The following CADPS variants were observed in gnomAD, a reference collection of about 807,000 sequenced individuals.
CADPS encodes the protein calcium-dependent secretion activator 1.
CADPS carries 57 observed loss-of-function variants against 167.3 expected under a neutral mutation model. The ratio of observed to expected loss-of-function variants is 0.34; its 90% CI spans 0.28 to 0.42. The LOEUF is 0.42. CADPS is among the 20% of genes least tolerant of loss of function. CADPS has a pLI of 1.00. For synonymous variants in CADPS, 676 were observed against 635.3 expected (o/e 1.06, Z -0.96); for missense variants, 1,414 against 1,738.1 (o/e 0.81, Z 3.32).
chr3:62,799,098 T>C (rs555590086), intron 1 of CADPS, among the ~76,000 whole-genome samples: 10 of 152,274 alleles, frequency 6.6e-5, no homozygotes, highest in African/African-American at 2.2e-4. Context: ...ATGTGTGTCA[T>C]GTGTGCCTAA....
At position 62,651,149 on chromosome 3, in the gene CADPS, T is replaced by G. The variant is rs1579638278; in HGVS notation, c.970-69A>C. The G allele has an allele frequency of 1.1e-5, 12 of 1,098,478 alleles. No homozygotes were observed. The East Asian group carries it at 2.8e-4, about 26-fold the overall frequency. 68.0% of individuals were successfully genotyped at this position (1,098,478 alleles called of 1,614,324 possible). A position where few individuals can be genotyped will look rare whatever the true frequency, so the allele number is the denominator to read the frequency against. ...AGCTGATTTATAAAGAAGGTCTTTG[T>G]CCCATGGCCCAGAGTTAGAATCACA... On this transcript the variant is annotated intron_variant, in intron 4 of 29. Transcript: ENST00000383710.
chr3:62,856,864 TAAA>T (rs201438087), intron 1 of CADPS, among the ~76,000 whole-genome samples: 1 of 139,620 alleles, frequency 7.2e-6, no homozygotes. Context: ...AATATAAAGG[TAAA>T]AAAAAAAAAC....
intron 1 of CADPS, among the ~76,000 whole-genome samples, chr3:62,800,297 CCATCATCATCAT>C (rs201311125): frequency 1.3e-5 from 2 of 151,850 alleles, no homozygotes; most frequent in African/African-American, 4.8e-5. Flanking sequence ...ATCATTATCA[CCATCATCATCAT>C]CATCATCATT....
At chr3:62,475,144 T>C (rs1363564579) in intron 23 of CADPS, among the ~76,000 whole-genome samples, 2 of 152,226 alleles carry the variant, frequency 1.3e-5, no homozygotes, top group Non-Finnish European at 2.9e-5. Context: ...AATTCTGACA[T>C]TGGTCAAATT....
At chr3:62,558,348 G>T (rs1306615200) in intron 9 of CADPS, among the ~76,000 whole-genome samples, 1 of 152,208 alleles carries the variant, frequency 6.6e-6, no homozygotes, top group African/African-American at 2.4e-5. Context: ...TCACTCTAGT[G>T]CATCCAGATC....
intron 2 of CADPS, among the ~76,000 whole-genome samples, chr3:62,761,396 T>TAAC (rs1049045288): frequency 4.0e-5 from 6 of 151,422 alleles, no homozygotes; most frequent in African/African-American, 7.3e-5. Context: ...AACAAAAAAA[T>TAAC]AACAACAACA....
chr3:62,719,704 T>A (rs1390046636), intron 3 of CADPS, among the ~76,000 whole-genome samples: 2 of 152,214 alleles, frequency 1.3e-5, no homozygotes, highest in Non-Finnish European at 1.5e-5. Flanking sequence ...AATGTAGCCA[T>A]TGCCTAAGGA....
At chr3:62,740,013 A>T (rs923470078) in intron 3 of CADPS, among the ~76,000 whole-genome samples, 1 of 152,216 alleles carries the variant, frequency 6.6e-6, no homozygotes, top group Non-Finnish European at 1.5e-5. Flanking sequence ...CAACCCTTGA[A>T]ATCAGTGACT....
At chr3:62,634,066 C>T (rs139882634) in intron 6 of CADPS, among the ~76,000 whole-genome samples, 11 of 152,200 alleles carry the variant, frequency 7.2e-5, no homozygotes, top group African/African-American at 1.9e-4. Context: ...TCGTTGACAG[C>T]GACATTGACA....
chr3:62,478,356 A>C lies in CADPS; in HGVS notation c.3234T>G (p.Ile1078Met), dbSNP rs577817819. 6.2e-7 allele frequency: 1 copy of C among 1,613,786 alleles called. No homozygotes were observed. The highest frequency in any genetic ancestry group is 1.1e-5 in the South Asian group (1 of 91,056). Residue 1078 changes from isoleucine to methionine, a missense_variant, in exon 23 of 30, where the codon ATT becomes ATG. Around this residue, in one of 6 missense-constraint regions of CADPS, gnomAD observed 529 missense variants for 629.6 expected, o/e 0.84. Transcript: ENST00000383710. The surrounding 1 kb of genome is among the most constrained non-coding windows in gnomAD (Gnocchi z 5.7). ...CTTCTTCAGGCCAGTGCAGGTCCCG[A>C]ATGAAGGTCTGAAGGGCGTCAAGTT... ...FWKLDALQTF[I>M]RDLHWPEEEF...
At chr3:62,559,613 G>A (rs890460119) in intron 9 of CADPS, among the ~76,000 whole-genome samples, 4 of 152,058 alleles carry the variant, frequency 2.6e-5, no homozygotes, top group African/African-American at 9.7e-5. Flanking sequence ...TCCTGCCTCA[G>A]CCTCCTGAGT....
At chr3:62,858,853 GC>G (rs2080205624) in intron 1 of CADPS, among the ~76,000 whole-genome samples, 1 of 151,910 alleles carries the variant, frequency 6.6e-6, no homozygotes, top group Non-Finnish European at 1.5e-5. Flanking sequence ...AGGTTAATTT[GC>G]AAATAAAAAA....
intron 17 of CADPS, among the ~76,000 whole-genome samples, chr3:62,509,312 G>GAAAAA (rs2067293555): frequency 7.4e-6 from 1 of 136,026 alleles, no homozygotes; most frequent in Non-Finnish European, 1.5e-5. Flanking sequence ...AAAAAAGAAA[G>GAAAAA]AAAGAAAGAA....
At chr3:62,839,277 C>T (rs2076311291) in intron 1 of CADPS, among the ~76,000 whole-genome samples, 1 of 152,092 alleles carries the variant, frequency 6.6e-6, no homozygotes, top group South Asian at 2.1e-4. Flanking sequence ...TCACTGCAAC[C>T]TCTGCCTCCC....
At chr3:62,724,022 T>C (rs2152026619) in intron 3 of CADPS, among the ~76,000 whole-genome samples, 1 of 152,350 alleles carries the variant, frequency 6.6e-6, no homozygotes, top group South Asian at 2.1e-4. Context: ...CACTTGTGGC[T>C]TGCTGGTGCA....
At chr3:62,425,369 G>A (rs926918778) in intron 28 of CADPS, among the ~76,000 whole-genome samples, 4 of 152,094 alleles carry the variant, frequency 2.6e-5, no homozygotes, top group Admixed American at 2.0e-4. Context: ...ATTTCCAAAT[G>A]TGCTGTAGGG....
chr3:62,791,378 C>G (rs1312588040), intron 1 of CADPS, among the ~76,000 whole-genome samples: 45 of 152,160 alleles, frequency 3.0e-4, no homozygotes, highest in Admixed American at 2.8e-3. Context: ...TATTGTGCAG[C>G]TCAGGTTACA....
intron 1 of CADPS, among the ~76,000 whole-genome samples, chr3:62,867,530 A>G (rs2081925097): frequency 6.6e-6 from 1 of 152,090 alleles, no homozygotes; most frequent in African/African-American, 2.4e-5. Flanking sequence ...GTGAAAGAAC[A>G]GAGATGTATT....
chr3:62,752,697 G>C (rs1047026029), intron 3 of CADPS, among the ~76,000 whole-genome samples: 1 of 152,194 alleles, frequency 6.6e-6, no homozygotes, highest in Non-Finnish European at 1.5e-5. Flanking sequence ...CATGCTCTGA[G>C]GCTGCAGAAT....
Sources: gnomAD v4.1 joint callset for allele counts (sites outside exome capture counted in the v4.1 genomes callset) on GRCh38, gnomAD v4.1.1 for gene constraint, gnomAD v4.1.1 regional missense constraint, Gnocchi (gnomAD v3.1) non-coding constraint, MANE v1.5 for transcripts, NCBI Gene and HGNC (gene_info 2026-07-23, HGNC 2026-07-21) for gene names.